Variants in PIK3R5 observed in about 807,000 individuals in gnomAD.
The protein encoded by PIK3R5 is phosphoinositide-3-kinase regulatory subunit 5.
Under a neutral mutation model 94.9 loss-of-function variants are expected in PIK3R5, and 32 were observed. The observed-to-expected ratio is 0.34, with a 90% CI of 0.25 to 0.45. The LOEUF is 0.45. Ranked by LOEUF, PIK3R5 falls within the 20% of genes least tolerant of loss-of-function variation. The pLI, the probability that PIK3R5 is intolerant of heterozygous loss-of-function variation, is 1.00. For synonymous variants in PIK3R5, 443 were observed against 479.4 expected, an observed-to-expected ratio of 0.92 and a Z score of 0.99; for missense variants, 853 against 1,144.6, an observed-to-expected ratio of 0.75 and a Z score of 3.68.
Position 8,904,033 on chromosome 17 carries a change from C to T in PIK3R5, c.412+744G>A, listed in dbSNP as rs2090346122. On this transcript the variant is annotated intron_variant, in intron 5 of 18. Transcript: ENST00000447110. The surrounding 1 kb of genome is among the most constrained non-coding windows in gnomAD (Gnocchi z 5.1). ...AAAAGCACTTCTAGAGTAATCGTTT[C>T]CATATATTGAGGGGTTTTGAATATC... Among the ~76,000 whole-genome samples, 1 of 152,138 alleles carries T rather than the reference C, an allele frequency of 6.6e-6. No homozygotes were observed. Among genetic ancestry groups the T allele is most frequent in the Admixed American group, 6.5e-5 (1 of 15,270 alleles).
intron 1 of PIK3R5, among the ~76,000 whole-genome samples, chr17:8,947,679 T>A (rs1015930494): frequency 2.6e-5 from 4 of 152,172 alleles, no homozygotes; most frequent in African/African-American, 9.6e-5. Context: ...TACGTCAAGA[T>A]GGAATCAAGG....
In PIK3R5 at chr17:8,888,988, C is replaced by G. The variant is rs1275272318; in HGVS notation, c.896-97G>C. Reference sequence around the variant, plus strand: ...GGAGACAGCAGGACTCAGGGCCAGCCCAGGACTCCTAGCACTGCCCCCTTG... The same window carrying G: ...GGAGACAGCAGGACTCAGGGCCAGCGCAGGACTCCTAGCACTGCCCCCTTG... On this transcript the variant is annotated intron_variant, in intron 9 of 18. Coordinates refer to ENST00000447110, the MANE Select transcript of PIK3R5 (RefSeq NM_001142633.3). The surrounding 1 kb of genome is among the most constrained non-coding windows in gnomAD (Gnocchi z 7.8). The G allele has an allele frequency of 6.5e-7, 1 of 1,530,244 alleles. No homozygotes were observed. Among genetic ancestry groups the G allele is most frequent in the African/African-American group, 1.4e-5 (1 of 72,992 alleles). The allele number at this position is 1,530,244 out of a possible 1,614,324, so 94.8% of individuals were successfully genotyped here.
intron 3 of PIK3R5, among the ~76,000 whole-genome samples, chr17:8,907,432 G>A (rs188035041): frequency 4.2e-4 from 64 of 152,094 alleles, no homozygotes; most frequent in African/African-American, 1.5e-3. Context: ...CCATAATTTG[G>A]ATTATTAATC....
In PIK3R5 at chr17:8,890,854, T is replaced by G. The variant is rs757243084; in HGVS notation, c.541A>C (p.Lys181Gln). The G allele has an allele frequency of 8.7e-6, 14 of 1,613,628 alleles. No individual in the cohort carries two copies. The South Asian group carries it at 1.3e-4, about 15-fold the overall frequency. ...GGCGAGTGTCCGGGCGTACTCAGCTTATTGGCTACAGCAAGGAACTCGGCC... is the reference window on the plus strand; with the variant it reads ...GGCGAGTGTCCGGGCGTACTCAGCTGATTGGCTACAGCAAGGAACTCGGCC... ...VQAEFLAVANKLSTPGHSPHS... is the reference protein window; with the variant it reads ...VQAEFLAVANQLSTPGHSPHS... The change falls in exon 7 of 19, where the codon AAG becomes CAG. Residue 181 changes from lysine (K) to glutamine (Q), a missense_variant. By Grantham distance (53) the Lys-to-Gln change is moderately conservative. Transcript: ENST00000447110. The surrounding 1 kb of genome is among the most constrained non-coding windows in gnomAD (Gnocchi z 6.1).
chr17:8,944,468 T>C (rs1452955188), intron 1 of PIK3R5, among the ~76,000 whole-genome samples: 4 of 152,260 alleles, frequency 2.6e-5, no homozygotes, highest in Non-Finnish European at 5.9e-5. Flanking sequence ...GCATCTGTTG[T>C]GTGCCCATCA....
rs1567658320 is a variant in PIK3R5, at chr17:8,925,219, G to GAGAAAA, written c.-13-13713_-13-13712insTTTTCT. 6.6e-6 allele frequency among the ~76,000 whole-genome samples: 1 copy of GAGAAAA among 151,800 alleles called. No homozygotes were observed. Among genetic ancestry groups the GAGAAAA allele is most frequent in the African/African-American group, 2.4e-5 (1 of 41,236 alleles). On this transcript the variant is annotated intron_variant, in intron 1 of 18. Transcript: ENST00000447110. The surrounding 1 kb of genome is among the most constrained non-coding windows in gnomAD (Gnocchi z 5.1). Reference sequence around the variant, plus strand: ...AAGTAGATGGATAGATAGATAGATAGTAGATGGATAGATAGATAGTAGATG... The same window carrying GAGAAAA: ...AAGTAGATGGATAGATAGATAGATAGAGAAAATAGATGGATAGATAGATAGTAGATG...
intron 14 of PIK3R5, among the ~76,000 whole-genome samples, chr17:8,885,916 A>C (rs1207904690): frequency 7.3e-4 from 35 of 47,688 alleles, no homozygotes; most frequent in African/African-American, 9.5e-4. Context: ...GGCCCCACCT[A>C]CCGGACAACC....
At chr17:8,918,231 A>G (rs2090667520) in intron 1 of PIK3R5, among the ~76,000 whole-genome samples, 1 of 152,238 alleles carries the variant, frequency 6.6e-6, no homozygotes, top group Non-Finnish European at 1.5e-5. Flanking sequence ...CCATTTTCCA[A>G]TAAAAGGAAA....
At position 8,890,903 on chromosome 17, in the gene PIK3R5, C is replaced by A. The variant is rs903379004; in HGVS notation, c.492G>T (p.Leu164=). 1.2e-6 allele frequency: 2 copies of A among 1,613,634 alleles called. No individual in the cohort carries two copies. The highest frequency in any genetic ancestry group is 1.7e-6 in the Non-Finnish European group (2 of 1,179,912). ...CCTGCACTTCCACTGGGTTCAGCAG[C>A]AGCACGGTGCTGGGGACACAGGGGA... is the stretch of plus-strand genomic sequence containing the variant. ...RSHRSSTVTV[L]LLNPVEVQAE... is the part of the protein sequence containing the mutation. Residue 164 remains leucine (L), a synonymous_variant, in exon 7 of 19, where the codon CTG becomes CTT. Coordinates refer to ENST00000447110, the MANE Select transcript of PIK3R5 (RefSeq NM_001142633.3). This position sits in a 1 kb window ranked among gnomAD's most constrained non-coding sequence, Gnocchi z 6.1.
intron 5 of PIK3R5, among the ~76,000 whole-genome samples, chr17:8,903,931 C>T (rs913325513): frequency 3.9e-5 from 6 of 152,320 alleles, no homozygotes; most frequent in Admixed American, 6.5e-5. Flanking sequence ...TAGGCAAATA[C>T]CTATAAGCCA....
At chr17:8,883,673 T>C (rs573818701) in intron 15 of PIK3R5, among the ~76,000 whole-genome samples, 1 of 152,386 alleles carries the variant, frequency 6.6e-6, no homozygotes, top group South Asian at 2.1e-4. Context: ...CTAACTCTCC[T>C]GACTGGGTTC....
At chr17:8,958,882 C>A (rs547347688) in intron 1 of PIK3R5, among the ~76,000 whole-genome samples, 2 of 152,146 alleles carry the variant, frequency 1.3e-5, no homozygotes, top group South Asian at 4.1e-4. Context: ...CTCAGCCTCC[C>A]AAGTAGCTGG....
intron 2 of PIK3R5, among the ~76,000 whole-genome samples, chr17:8,910,589 G>A (rs1428405910): frequency 6.6e-6 from 1 of 152,142 alleles, no homozygotes; most frequent in Non-Finnish European, 1.5e-5. Flanking sequence ...GCCTGCGCAG[G>A]GTTGTAAAGC....
Position 8,889,066 on chromosome 17 carries a change from G to T in PIK3R5, c.895+73C>A, listed in dbSNP as rs1161869596. On this transcript the variant is annotated intron_variant, in intron 9 of 18. Coordinates refer to ENST00000447110, the MANE Select transcript of PIK3R5 (RefSeq NM_001142633.3). This position sits in a 1 kb window ranked among gnomAD's most constrained non-coding sequence, Gnocchi z 4.1. ...GAGCTTTGGGGACGGGGTGGGAGCT[G>T]CATGGACCCAGGACCAGAAACACAG... 2.0e-6 allele frequency: 3 copies of T among 1,533,068 alleles called. No homozygotes were observed. Among genetic ancestry groups the T allele is most frequent in the Non-Finnish European group, 2.7e-6 (3 of 1,125,888 alleles). The allele number at this position is 1,533,068 out of a possible 1,614,324, so 95.0% of individuals were successfully genotyped here. A position where few individuals can be genotyped will look rare whatever the true frequency, so the allele number is the denominator to read the frequency against.
intron 1 of PIK3R5, among the ~76,000 whole-genome samples, chr17:8,956,808 T>G (rs1454271344): frequency 6.6e-6 from 1 of 152,186 alleles, no homozygotes; most frequent in Admixed American, 6.5e-5. Context: ...CCCAAGATCT[T>G]ATCTGGGACA....
intron 14 of PIK3R5, chr17:8,885,072 G>A: frequency 2.4e-6 from 1 of 412,752 alleles, no homozygotes; most frequent in South Asian, 2.4e-5. Context: ...ACCTTCCCAG[G>A]GTCCTGCCTC....
chr17:8,885,633 A>G (rs1045342296), intron 14 of PIK3R5, among the ~76,000 whole-genome samples: 16 of 2,562 alleles, frequency 6.2e-3, no homozygotes, highest in Admixed American at 0.02. Flanking sequence ...CCATGGCCCC[A>G]CCTCCTGGGT....
At position 8,911,793 on chromosome 17, in the gene PIK3R5, G is replaced by GCCTT; in HGVS notation, c.-13-287_-13-286insAAGG. On this transcript the variant is annotated intron_variant, in intron 1 of 18. Coordinates refer to ENST00000447110, the MANE Select transcript of PIK3R5 (RefSeq NM_001142633.3). This position sits in a 1 kb window ranked among gnomAD's most constrained non-coding sequence, Gnocchi z 5.3. ...GGAGCAGAGAGGTGGAAAGGGCACTGGGCAGTGGGAAGTGTCGCCAAGTAC... is the reference window on the plus strand; with the variant it reads ...GGAGCAGAGAGGTGGAAAGGGCACTGCCTTGGCAGTGGGAAGTGTCGCCAAGTAC... The GCCTT allele has an allele frequency of 7.1e-6, 2 of 281,062 alleles. No homozygotes were observed. Among genetic ancestry groups the GCCTT allele is most frequent in the East Asian group, 7.0e-5 (1 of 14,318 alleles). 17.4% of individuals were successfully genotyped at this position (281,062 alleles called of 1,614,324 possible).
chr17:8,895,854 T>C (rs1407098516), intron 5 of PIK3R5, among the ~76,000 whole-genome samples: 1 of 152,158 alleles, frequency 6.6e-6, no homozygotes, highest in Non-Finnish European at 1.5e-5. Flanking sequence ...GTTGTTTGGC[T>C]GGTGCTGAAT....
Sources: gnomAD v4.1 joint callset for allele counts (sites outside exome capture counted in the v4.1 genomes callset) on GRCh38, gnomAD v4.1.1 for gene constraint, Gnocchi (gnomAD v3.1) non-coding constraint, MANE v1.5 for transcripts, NCBI Gene and HGNC (gene_info 2026-07-23, HGNC 2026-07-21) for gene names.